The following CPAMD8 variants were observed in gnomAD, a reference collection of about 807,000 sequenced individuals.
The protein encoded by CPAMD8 is C3 and PZP like alpha-2-macroglobulin domain containing 8.
A neutral mutation model predicts 224.7 loss-of-function variants in CPAMD8; 146 were observed. The observed-to-expected ratio is 0.65, with a 90% CI of 0.57 to 0.75. CPAMD8 has a LOEUF of 0.75. Among genes scored for constraint, CPAMD8 ranks in the 30% least tolerant of loss-of-function variants. The probability of loss-of-function intolerance (pLI) is 0.00; values close to 1 mark genes in which losing one functional copy is unlikely to be tolerated. For missense variants in CPAMD8, 2,301 were observed against 2,537.5 expected (o/e 0.91, Z 2.00); for synonymous variants, 966 against 1,044.6 (o/e 0.92, Z 1.45).
intron 10 of CPAMD8, among the ~76,000 whole-genome samples, chr19:16,999,369 A>G (rs1389705678): frequency 2.0e-5 from 3 of 152,000 alleles, no homozygotes; most frequent in Non-Finnish European, 2.9e-5. Flanking sequence ...TCACGACGTC[A>G]GGAGATCGAG....
At chr19:16,975,875 G>C (rs544418787) in intron 16 of CPAMD8, 127 bp downstream of exon 16, 4 of 1,021,944 alleles carry the variant, frequency 3.9e-6, no homozygotes, top group African/African-American at 1.7e-5. Flanking sequence ...AAATGAACCC[G>C]ACGGAGAAAG....
At chr19:16,946,515 TTG>T (rs141742862) in intron 21 of CPAMD8, among the ~76,000 whole-genome samples, 62,823 of 137,804 alleles carry the variant, frequency 0.46, 14,467 homozygotes, top group African/African-American at 0.57. Flanking sequence ...GTGTGTGGAT[TTG>T]TGTGTGTGTG....
rs764656970 is a variant in CPAMD8, at chr19:16,899,584, T to C, written c.4774-35A>G. The C allele has an allele frequency of 2.0e-6, 2 of 1,021,826 alleles. No individual in the cohort carries two copies. Among genetic ancestry groups the C allele is most frequent in the Non-Finnish European group, 3.1e-6 (2 of 639,798 alleles). The allele number at this position is 1,021,826 out of a possible 1,614,324, so 63.3% of individuals were successfully genotyped here. On this transcript the variant is annotated intron_variant, in intron 36 of 41. Transcript: ENST00000443236. This position sits in a 1 kb window ranked among gnomAD's most constrained non-coding sequence, Gnocchi z 5.4. ...AAGCCAGAAGTCAGGGTCCTCAGAC[T>C]CTCTACTTGCTTCCTCTCCCATCCC...
chr19:16,902,583 G>A, intron 35 of CPAMD8, 66 bp downstream of exon 35: 1 of 986,180 alleles, frequency 1.0e-6, no homozygotes, highest in East Asian at 2.7e-5. Flanking sequence ...CTGGTCCCAG[G>A]AGGCCATCCT....
chr19:16,974,071 G>A (rs879154243), intron 17 of CPAMD8, among the ~76,000 whole-genome samples: 5 of 149,710 alleles, frequency 3.3e-5, no homozygotes, highest in South Asian at 2.1e-4. Flanking sequence ...CTTGTGATCC[G>A]CCCACCTCAG....
intron 20 of CPAMD8, among the ~76,000 whole-genome samples, chr19:16,951,371 A>T (rs562603496): frequency 2.0e-5 from 3 of 152,286 alleles, no homozygotes; most frequent in South Asian, 2.1e-4. Context: ...AGGAAAAAAA[A>T]TTAAAAGAAG....
intron 1 of CPAMD8, among the ~76,000 whole-genome samples, chr19:17,023,673 C>A (rs1346940819): frequency 1.3e-5 from 2 of 152,018 alleles, no homozygotes; most frequent in Non-Finnish European, 2.9e-5. Context: ...CCTCCACCTC[C>A]CAGGTTCAAG....
intron 22 of CPAMD8, among the ~76,000 whole-genome samples, chr19:16,944,892 G>A (rs1002329930): frequency 6.6e-6 from 1 of 151,960 alleles, no homozygotes; most frequent in Admixed American, 6.6e-5. Flanking sequence ...GTTAGGGGCT[G>A]TTGGTGCGGC....
intron 13 of CPAMD8, among the ~76,000 whole-genome samples, chr19:16,985,032 A>C (rs2055664884): frequency 6.6e-6 from 1 of 152,220 alleles, no homozygotes; most frequent in Non-Finnish European, 1.5e-5. Flanking sequence ...AGACAATATA[A>C]TTTGGTGAAT....
At chr19:16,962,239 T>C (rs2054681281) in intron 18 of CPAMD8, among the ~76,000 whole-genome samples, 1 of 152,090 alleles carries the variant, frequency 6.6e-6, no homozygotes, top group South Asian at 2.1e-4. Context: ...ATAACAAACT[T>C]CTCTGAGCTA....
At chr19:16,906,909 C>G (rs758951000) in intron 30 of CPAMD8, 43 bp downstream of exon 30, 61 of 1,539,850 alleles carry the variant, frequency 4.0e-5, no homozygotes, top group Non-Finnish European at 5.1e-5. Flanking sequence ...CCACAGTGGG[C>G]TTCCCGACGC....
At chr19:16,933,558 TA>T (rs1283918305) in intron 23 of CPAMD8, among the ~76,000 whole-genome samples, 1 of 148,968 alleles carries the variant, frequency 6.7e-6, no homozygotes, top group Non-Finnish European at 1.5e-5. Context: ...AAAAAAGACA[TA>T]CTCATAGCAA....
chr19:17,024,193 C>T (rs62126014), intron 1 of CPAMD8, among the ~76,000 whole-genome samples: 26,300 of 152,142 alleles, frequency 0.17, 2,382 homozygotes, highest in East Asian at 0.27. Flanking sequence ...TTCATGCACA[C>T]GAACAATGGG....
chr19:16,984,095 A>G (rs2055619696), intron 13 of CPAMD8, among the ~76,000 whole-genome samples: 1 of 152,144 alleles, frequency 6.6e-6, no homozygotes, highest in Non-Finnish European at 1.5e-5. Flanking sequence ...AGACCATTCA[A>G]TGGGGAAAGC....
chr19:16,943,429 G>T (rs989098372), intron 22 of CPAMD8, among the ~76,000 whole-genome samples: 1 of 151,380 alleles, frequency 6.6e-6, no homozygotes, highest in Admixed American at 6.6e-5. Flanking sequence ...ATTTAGACAG[G>T]GTCTGGCTCT....
At position 16,893,104 on chromosome 19, in the gene CPAMD8, AG is replaced by A; in HGVS notation, c.*3del. On this transcript the variant is annotated 3_prime_UTR_variant, in exon 42 of 42. Transcript: ENST00000443236. ...CGGTCCCACAACTGCATGTGGTTGT[AG>A]GATTATCTCAAGGTGCAGGTGTTTG... 1 of 1,262,700 alleles carries A rather than the reference AG, an allele frequency of 7.9e-7. No individual in the cohort carries two copies. Among genetic ancestry groups the A allele is most frequent in the South Asian group, 1.2e-5 (1 of 83,696 alleles). The allele number at this position is 1,262,700 out of a possible 1,614,324, so 78.2% of individuals were successfully genotyped here. A position where few individuals can be genotyped will look rare whatever the true frequency, so the allele number is the denominator to read the frequency against.
intron 11 of CPAMD8, among the ~76,000 whole-genome samples, chr19:16,994,515 CTTT>C (rs71180347): frequency 9.5e-6 from 1 of 105,298 alleles, no homozygotes; most frequent in Non-Finnish European, 1.8e-5. Context: ...TAACCACTCC[CTTT>C]TTTTTTTTTT....
chr19:16,936,329 A>G (rs1422011703), intron 23 of CPAMD8, among the ~76,000 whole-genome samples: 1 of 152,120 alleles, frequency 6.6e-6, no homozygotes, highest in Admixed American at 6.5e-5. Context: ...GCATCTTTTT[A>G]TGTGCAATTT....
At chr19:16,981,124 G>A (rs193269646) in intron 13 of CPAMD8, among the ~76,000 whole-genome samples, 7 of 151,376 alleles carry the variant, frequency 4.6e-5, no homozygotes, top group East Asian at 1.9e-4. Context: ...GGGCTGAAGC[G>A]GACAGATCGC....
Sources: gnomAD v4.1 joint callset for allele counts (sites outside exome capture counted in the v4.1 genomes callset) on GRCh38, gnomAD v4.1.1 for gene constraint, Gnocchi (gnomAD v3.1) non-coding constraint, MANE v1.5 for transcripts, NCBI Gene and HGNC (gene_info 2026-07-23, HGNC 2026-07-21) for gene names.